The following LRP5 variants were observed in gnomAD, a reference collection of about 807,000 sequenced individuals.
LRP5 encodes the protein LDL receptor related protein 5, also known as low-density lipoprotein receptor-related protein 5.
In LRP5, 62 loss-of-function variants were observed where a neutral mutation model predicts 154.1. That is an observed-to-expected ratio of 0.40 (90% CI 0.33 to 0.50). The LOEUF (loss-of-function observed/expected upper bound fraction) is 0.50. Ranked by LOEUF, LRP5 falls within the 20% of genes least tolerant of loss-of-function variation. The pLI, the probability that LRP5 is intolerant of heterozygous loss-of-function variation, is 0.55. For synonymous variants in LRP5, 966 were observed against 1,011.5 expected (o/e 0.96, Z 0.85); for missense variants, 1,915 against 2,336.7 (o/e 0.82, Z 3.72).
chr11:68,305,842 A>C, the LRP5 span, among the ~76,000 whole-genome samples: 1 of 152,214 alleles, frequency 6.6e-6, no homozygotes, highest in African/African-American at 2.4e-5. Context: ...GGGTTTGTGA[A>C]GATTAGGTAC....
intron 12 of LRP5, 114 bp downstream of exon 12, chr11:68,414,126 G>T: frequency 1.9e-6 from 2 of 1,047,420 alleles, no homozygotes; most frequent in Non-Finnish European, 2.9e-6. Flanking sequence ...ATAGATGGTT[G>T]GGTAGGTTGT....
At chr11:68,321,881 C>G (rs752953566) in intron 1 of LRP5, among the ~76,000 whole-genome samples, 18 of 152,186 alleles carry the variant, frequency 1.2e-4, no homozygotes, top group Non-Finnish European at 2.2e-4. Context: ...TAATAGCTAT[C>G]TGAGCGTGTG....
chr11:68,380,550 G>A (rs560911387), intron 5 of LRP5, among the ~76,000 whole-genome samples: 12 of 152,310 alleles, frequency 7.9e-5, no homozygotes, highest in East Asian at 1.9e-4. Context: ...TTTCCTTCCC[G>A]GCTTTTGTGT....
intron 5 of LRP5, among the ~76,000 whole-genome samples, chr11:68,366,044 T>C (rs973081401): frequency 6.6e-6 from 1 of 151,708 alleles, no homozygotes; most frequent in East Asian, 2.0e-4. Context: ...GCTGAGGATC[T>C]TTCTTTCCAG....
At chr11:68,385,841 G>C (rs1487584523) in intron 5 of LRP5, among the ~76,000 whole-genome samples, 1 of 152,064 alleles carries the variant, frequency 6.6e-6, no homozygotes. Context: ...AAGTGGCGTC[G>C]AGCTGGGCAG....
At chr11:68,319,017 C>T (rs1471399956) in intron 1 of LRP5, among the ~76,000 whole-genome samples, 2 of 152,150 alleles carry the variant, frequency 1.3e-5, no homozygotes. Context: ...TGGGGGTGCC[C>T]CCAGAAGAGG....
intron 20 of LRP5, 151 bp from the exon 21 acceptor site, chr11:68,439,626 C>A: frequency 1.2e-6 from 1 of 809,614 alleles, no homozygotes; most frequent in Non-Finnish European, 2.0e-6. Context: ...GAGAGGCCTG[C>A]GGCTCAGGGA....
chr11:68,330,632 A>C (rs948268583), intron 1 of LRP5, among the ~76,000 whole-genome samples: 2 of 152,274 alleles, frequency 1.3e-5, no homozygotes, highest in African/African-American at 4.8e-5. Context: ...AAGCCGTATC[A>C]CAGAGACCTG....
intron 11 of LRP5, 104 bp downstream of exon 11, chr11:68,411,724 A>G (rs769149092): frequency 7.2e-6 from 9 of 1,250,866 alleles, no homozygotes; most frequent in East Asian, 2.5e-5. Flanking sequence ...AAGTTCCCCA[A>G]CCTGGCAGGA....
intron 13 of LRP5, among the ~76,000 whole-genome samples, chr11:68,422,715 G>A (rs1252031871): frequency 6.6e-6 from 1 of 152,016 alleles, no homozygotes; most frequent in African/African-American, 2.4e-5. Flanking sequence ...GAGGGGCTCT[G>A]AGTCATTCCC....
intron 13 of LRP5, among the ~76,000 whole-genome samples, chr11:68,422,098 T>C (rs1565099559): frequency 6.6e-6 from 1 of 151,956 alleles, no homozygotes; most frequent in Non-Finnish European, 1.5e-5. Flanking sequence ...GAGCTATTGT[T>C]TTTTTTGTTT....
At chr11:68,440,218 C>T (rs1301378125) in intron 21 of LRP5, among the ~76,000 whole-genome samples, 1 of 152,236 alleles carries the variant, frequency 6.6e-6, no homozygotes, top group Non-Finnish European at 1.5e-5. Flanking sequence ...ACGGCCCAGC[C>T]CATCGATAGC....
chr11:68,376,285 G>A (rs772400032), intron 5 of LRP5, among the ~76,000 whole-genome samples: 3 of 150,508 alleles, frequency 2.0e-5, no homozygotes, highest in South Asian at 2.1e-4. Context: ...GAGCTCAAGC[G>A]ATTATCCTGC....
chr11:68,337,606 G>A (rs577636527), intron 1 of LRP5, among the ~76,000 whole-genome samples: 48 of 151,950 alleles, frequency 3.2e-4, no homozygotes, highest in African/African-American at 1.1e-3. Flanking sequence ...TTAGAAGCCT[G>A]CCCACTCTAA....
chr11:68,360,359 A>G (rs2098626795), intron 3 of LRP5, among the ~76,000 whole-genome samples: 1 of 152,098 alleles, frequency 6.6e-6, no homozygotes. Context: ...GAAGCATGTG[A>G]ATTTGCCCAG....
chr11:68,307,038 C>T, the LRP5 span, among the ~76,000 whole-genome samples: 39,668 of 151,980 alleles, frequency 0.26, 6,821 homozygotes, highest in South Asian at 0.57. Flanking sequence ...CAAAATTAGC[C>T]GGGTGTGGTG....
intron 14 of LRP5, among the ~76,000 whole-genome samples, chr11:68,424,529 C>G (rs2098667617): frequency 6.6e-6 from 1 of 152,234 alleles, no homozygotes; most frequent in Non-Finnish European, 1.5e-5. Flanking sequence ...CTCCCAACAG[C>G]CAGGGCTCCG....
chr11:68,339,567 C>T (rs1436248143), intron 1 of LRP5, among the ~76,000 whole-genome samples: 9 of 151,966 alleles, frequency 5.9e-5, no homozygotes, highest in Admixed American at 4.6e-4. Flanking sequence ...AGGCTGGTCT[C>T]GAACTCCTTA....
At chr11:68,316,873 G>A (rs2098593701) in intron 1 of LRP5, among the ~76,000 whole-genome samples, 1 of 152,250 alleles carries the variant, frequency 6.6e-6, no homozygotes, top group South Asian at 2.1e-4. Flanking sequence ...TGAGGGCCAA[G>A]TTCAGGTTAC....
Sources: allele counts gnomAD v4.1 joint callset (sites outside exome capture counted in the v4.1 genomes callset), GRCh38; gene constraint gnomAD v4.1.1; transcripts MANE v1.5; gene names NCBI Gene and HGNC (gene_info 2026-07-23, HGNC 2026-07-21).